Variants in ANKRD45 observed in about 807,000 individuals in gnomAD.
ANKRD45 encodes ankyrin repeat domain 45, also known as ankyrin repeat domain-containing protein 45.
ANKRD45 carries 21 observed loss-of-function variants against 28.1 expected under a neutral mutation model. The observed-to-expected ratio is 0.75, with a 90% CI of 0.53 to 1.08. The LOEUF (loss-of-function observed/expected upper bound fraction) is 1.08, where lower values mean the gene tolerates loss of function less well. Among genes scored for constraint, ANKRD45 ranks in the 50% least tolerant of loss-of-function variants. The pLI is 0.00. For missense variants in ANKRD45, 261 were observed against 308.7 expected (o/e 0.85, Z 1.16); for synonymous variants, 86 against 103.9 (o/e 0.83, Z 1.05).
At chr1:173,684,470 A>G in the ANKRD45 span, among the ~76,000 whole-genome samples, 1 of 152,142 alleles carries the variant, frequency 6.6e-6, no homozygotes, top group South Asian at 2.1e-4. Flanking sequence ...CTCTGCACCA[A>G]CCCACAGATG....
intron 2 of ANKRD45, among the ~76,000 whole-genome samples, chr1:173,648,690 T>A (rs916152770): frequency 2.0e-5 from 3 of 152,208 alleles, no homozygotes; most frequent in Admixed American, 6.5e-5. Flanking sequence ...CCTAAAAGAC[T>A]ATACACCTAT....
chr1:173,673,693 A>G (rs1453670787), upstream of ANKRD45, among the ~76,000 whole-genome samples: 1 of 151,948 alleles, frequency 6.6e-6, no homozygotes, highest in Admixed American at 6.5e-5. Flanking sequence ...CACAGCTAAT[A>G]GGGCCAAACC....
chr1:173,706,528 G>A, the ANKRD45 span, among the ~76,000 whole-genome samples: 57 of 151,600 alleles, frequency 3.8e-4, no homozygotes, highest in Middle Eastern at 3.4e-3. Flanking sequence ...TAGTAGAGAC[G>A]GGGTTTCACC....
At chr1:173,684,061 G>C in the ANKRD45 span, among the ~76,000 whole-genome samples, 1 of 152,156 alleles carries the variant, frequency 6.6e-6, no homozygotes, top group Non-Finnish European at 1.5e-5. Context: ...CAGAAGTCAG[G>C]GCAGAGCAGG....
At chr1:173,663,996 GTTT>G (rs905969682) in intron 1 of ANKRD45, among the ~76,000 whole-genome samples, 1 of 152,050 alleles carries the variant, frequency 6.6e-6, no homozygotes, top group African/African-American at 2.4e-5. Flanking sequence ...ACATATCACT[GTTT>G]TTTGTCGCAT....
intron 5 of ANKRD45, among the ~76,000 whole-genome samples, chr1:173,618,471 A>G (rs1351994162): frequency 6.6e-6 from 1 of 152,234 alleles, no homozygotes; most frequent in Non-Finnish European, 1.5e-5. Context: ...GCTGAAAACC[A>G]TGATGCAAGA....
chr1:173,659,283 C>T lies in ANKRD45; in HGVS notation c.136G>A (p.Gly46Arg). 6.2e-7 allele frequency: 1 copy of T among 1,613,996 alleles called. No individual in the cohort carries two copies. The highest frequency in any genetic ancestry group is 8.5e-7 in the Non-Finnish European group (1 of 1,179,972). Reference protein sequence around the residue: ...KNPLLQPALTGDVEGLQKIFE... With the variant: ...KNPLLQPALTRDVEGLQKIFE... ...ATCTTCTGCAAACCCTCTACATCCC[C>T]TGTGAGAGCAGGTTGTAAAAGGGGG... Residue 46 changes from glycine to arginine, a missense_variant, in exon 2 of 6, where the codon GGG becomes AGG. Coordinates refer to ENST00000333279, the MANE Select transcript of ANKRD45 (RefSeq NM_198493.3).
At chr1:173,676,250 T>C in the ANKRD45 span, among the ~76,000 whole-genome samples, 21 of 152,214 alleles carry the variant, frequency 1.4e-4, no homozygotes, top group South Asian at 2.1e-4. Flanking sequence ...ATGCAAATAA[T>C]TGTATTGTCA....
At chr1:173,631,459 A>G (rs1668193300) in intron 3 of ANKRD45, among the ~76,000 whole-genome samples, 1 of 151,788 alleles carries the variant, frequency 6.6e-6, no homozygotes, top group South Asian at 2.1e-4. Context: ...GAAACATCGG[A>G]CTTAATCTAC....
chr1:173,619,699 G>A (rs1220268539), intron 5 of ANKRD45, among the ~76,000 whole-genome samples: 1 of 151,868 alleles, frequency 6.6e-6, no homozygotes, highest in African/African-American at 2.4e-5. Context: ...GTGGAAGTGG[G>A]CACCTGTAAT....
chr1:173,674,535 G>A (rs1453561011), upstream of ANKRD45, among the ~76,000 whole-genome samples: 3 of 152,128 alleles, frequency 2.0e-5, no homozygotes, highest in African/African-American at 7.2e-5. Context: ...GAGCAGTTTG[G>A]TTTTATACGT....
chr1:173,709,417 G>A, the ANKRD45 span, among the ~76,000 whole-genome samples: 2,380 of 152,232 alleles, frequency 0.016, 64 homozygotes, highest in African/African-American at 0.052. Flanking sequence ...TGAGACAGAA[G>A]CCACAGTCCT....
At chr1:173,674,691 A>G (rs1670354925), upstream of ANKRD45, among the ~76,000 whole-genome samples, 1 of 152,184 alleles carries the variant, frequency 6.6e-6, no homozygotes, top group Non-Finnish European at 1.5e-5. Context: ...TTGCATTCTG[A>G]TTAGTCTCTC....
chr1:173,689,673 A>G, the ANKRD45 span, among the ~76,000 whole-genome samples: 1 of 152,062 alleles, frequency 6.6e-6, no homozygotes, highest in Non-Finnish European at 1.5e-5. Flanking sequence ...TTCCTGTTGT[A>G]TATCAAGTGC....
At position 173,610,083 on chromosome 1, in the gene ANKRD45, G is replaced by T; in HGVS notation, c.*62C>A. ...CACATCTGTTTTCTCGATTTCAAAT[G>T]GCATGAATAGGTTTGCCTTTCAGAT... On this transcript the variant is annotated 3_prime_UTR_variant, in exon 6 of 6. Transcript: ENST00000333279. The T allele has an allele frequency of 6.8e-7, 1 of 1,475,050 alleles. No homozygotes were observed. The highest frequency in any genetic ancestry group is 9.4e-7 in the Non-Finnish European group (1 of 1,061,230). 91.4% of individuals were successfully genotyped at this position (1,475,050 alleles called of 1,614,324 possible). A position where few individuals can be genotyped will look rare whatever the true frequency, so the allele number is the denominator to read the frequency against.
chr1:173,634,087 G>C (rs558831254), intron 3 of ANKRD45, among the ~76,000 whole-genome samples: 350 of 151,892 alleles, frequency 2.3e-3, no homozygotes, highest in Non-Finnish European at 4.1e-3. Flanking sequence ...TATGACAAGG[G>C]ATTAATAACC....
intron 2 of ANKRD45, 87 bp downstream of exon 2, chr1:173,659,004 A>C (rs1228875118): frequency 6.6e-7 from 1 of 1,511,310 alleles, no homozygotes; most frequent in Non-Finnish European, 8.9e-7. Context: ...TAAAACAGGC[A>C]CATCAAATAT....
At chr1:173,712,850 T>C in the ANKRD45 span, among the ~76,000 whole-genome samples, 2 of 152,206 alleles carry the variant, frequency 1.3e-5, no homozygotes, top group Non-Finnish European at 2.9e-5. Context: ...TATAATCACC[T>C]GGAGAACTTG....
the ANKRD45 span, among the ~76,000 whole-genome samples, chr1:173,677,272 AAATTT>A: frequency 6.6e-6 from 1 of 152,048 alleles, no homozygotes; most frequent in African/African-American, 2.4e-5. Flanking sequence ...GAAGTCAATT[AAATTT>A]GTTTTTCAAA....
Sources: allele counts gnomAD v4.1 joint callset (sites outside exome capture counted in the v4.1 genomes callset), GRCh38; gene constraint gnomAD v4.1.1; transcripts MANE v1.5; gene names NCBI Gene and HGNC (gene_info 2026-07-23, HGNC 2026-07-21).